The following DISP1 variants were observed in gnomAD, a reference collection of about 807,000 sequenced individuals.
The protein encoded by DISP1 is protein dispatched homolog 1.
DISP1 carries 30 observed loss-of-function variants against 37.3 expected under a neutral mutation model. That is an observed-to-expected ratio of 0.80 (90% CI 0.60 to 1.09). The LOEUF is 1.09. DISP1 is among the 50% of genes least tolerant of loss of function. The pLI, the probability that DISP1 is intolerant of heterozygous loss-of-function variation, is 0.00. For synonymous variants in DISP1, 634 were observed against 690.2 expected (o/e 0.92, Z 1.28); for missense variants, 1,598 against 1,879.5 (o/e 0.85, Z 2.77).
chr1:222,961,008 C>T (rs1676017901), intron 3 of DISP1, among the ~76,000 whole-genome samples: 2 of 152,018 alleles, frequency 1.3e-5, no homozygotes, highest in Admixed American at 6.6e-5. Flanking sequence ...CCCAGGACCA[C>T]ACTGATTCAC....
intron 1 of DISP1, among the ~76,000 whole-genome samples, chr1:222,876,040 C>T (rs966815225): frequency 6.6e-6 from 1 of 150,752 alleles, no homozygotes; most frequent in Non-Finnish European, 1.5e-5. Flanking sequence ...CTGAGGGAAA[C>T]TTGATCTATC....
chr1:222,919,530 T>C (rs1178933797), intron 1 of DISP1, among the ~76,000 whole-genome samples: 1 of 152,178 alleles, frequency 6.6e-6, no homozygotes, highest in Non-Finnish European at 1.5e-5. Flanking sequence ...CTTCTTCCCC[T>C]GATCTCTTCT....
intron 8 of DISP1, among the ~76,000 whole-genome samples, chr1:223,001,698 A>C (rs998818999): frequency 1.3e-5 from 2 of 152,216 alleles, no homozygotes; most frequent in Admixed American, 1.3e-4. Flanking sequence ...ACGTGTCCTC[A>C]TGACCTCTTA....
chr1:222,999,496 C>T (rs764284039), intron 8 of DISP1, among the ~76,000 whole-genome samples: 2 of 152,094 alleles, frequency 1.3e-5, no homozygotes, highest in Non-Finnish European at 2.9e-5. Context: ...AAGTTAGTGC[C>T]ATTGTCACAT....
intron 1 of DISP1, among the ~76,000 whole-genome samples, chr1:222,917,191 ACTT>A (rs990027860): frequency 2.0e-4 from 31 of 151,988 alleles, no homozygotes; most frequent in African/African-American, 3.6e-4. Flanking sequence ...TCTTCCCCGG[ACTT>A]CTTCTTTAAA....
chr1:222,847,610 T>A (rs879042979), intron 1 of DISP1, among the ~76,000 whole-genome samples: 25 of 152,198 alleles, frequency 1.6e-4, no homozygotes, highest in African/African-American at 6.0e-4. Context: ...TTATTTTTTT[T>A]TCTGGCCTTT....
At chr1:222,979,736 C>T (rs1417459900) in intron 3 of DISP1, 3 of 461,504 alleles carry the variant, frequency 6.5e-6, no homozygotes, top group South Asian at 1.6e-5. Flanking sequence ...AGTGGCCCTG[C>T]ACTCCGTCCC....
At chr1:222,895,121 A>G (rs893174452) in intron 1 of DISP1, among the ~76,000 whole-genome samples, 4 of 152,316 alleles carry the variant, frequency 2.6e-5, no homozygotes, top group Admixed American at 6.5e-5. Context: ...TTTTCTTTCC[A>G]AAGGAGTACA....
At chr1:222,900,994 A>C (rs112098838) in intron 1 of DISP1, among the ~76,000 whole-genome samples, 2,604 of 152,310 alleles carry the variant, frequency 0.017, 69 homozygotes, top group African/African-American at 0.059. Flanking sequence ...AAAGATGAGA[A>C]GTATTTGATG....
chr1:222,936,355 G>C (rs1673722720), intron 2 of DISP1, among the ~76,000 whole-genome samples: 1 of 151,824 alleles, frequency 6.6e-6, no homozygotes, highest in South Asian at 2.1e-4. Context: ...TCATAATCCT[G>C]ATAGCATTTT....
chr1:222,921,111 A>G (rs995461286), intron 1 of DISP1, among the ~76,000 whole-genome samples: 1 of 152,182 alleles, frequency 6.6e-6, no homozygotes, highest in South Asian at 2.1e-4. Flanking sequence ...GGAGTTCGAG[A>G]CCACCCTGGG....
intron 3 of DISP1, among the ~76,000 whole-genome samples, chr1:222,961,598 G>T (rs1018230732): frequency 6.6e-6 from 1 of 152,198 alleles, no homozygotes; most frequent in African/African-American, 2.4e-5. Flanking sequence ...ATTCAATATA[G>T]TATTGGAAGT....
intron 1 of DISP1, among the ~76,000 whole-genome samples, chr1:222,835,921 C>T (rs1000007481): frequency 2.0e-5 from 3 of 147,344 alleles, no homozygotes; most frequent in Non-Finnish European, 4.4e-5. Flanking sequence ...TGTCACTGCA[C>T]TCCAGCCTGG....
intron 3 of DISP1, among the ~76,000 whole-genome samples, chr1:222,946,960 G>A (rs1025873778): frequency 6.6e-6 from 1 of 152,148 alleles, no homozygotes; most frequent in African/African-American, 2.4e-5. Flanking sequence ...TTCATCCTGA[G>A]GCTAATGAGG....
chr1:222,921,739 A>G (rs945293577), intron 1 of DISP1, among the ~76,000 whole-genome samples: 18 of 152,254 alleles, frequency 1.2e-4, no homozygotes, highest in African/African-American at 4.3e-4. Flanking sequence ...TAAAATGTCA[A>G]TTGTTCAATA....
chr1:223,003,504 C>T lies in DISP1; in HGVS notation c.2107C>T (p.Arg703Ter). 6.2e-7 allele frequency: 1 copy of T among 1,614,160 alleles called. No homozygotes were observed. The highest frequency in any genetic ancestry group is 8.5e-7 in the Non-Finnish European group (1 of 1,180,036). ...KVLFAISEAS[R>*]IFFEKVLPCI... ...ACTCTTTGCCATTTCAGAAGCATCTCGAATTTTTTTCGAAAAAGTATTGCC... is the reference window on the plus strand; with the variant it reads ...ACTCTTTGCCATTTCAGAAGCATCTTGAATTTTTTTCGAAAAAGTATTGCC... The change falls in exon 9 of 9, where the codon CGA becomes TGA. Residue 703 changes from arginine to a stop codon, truncating the protein, a stop_gained. Coordinates refer to ENST00000675850, the MANE Select transcript of DISP1 (RefSeq NM_001377229.1). LOFTEE classifies it low-confidence loss of function (END_TRUNC). The surrounding 1 kb of genome is among the most constrained non-coding windows in gnomAD (Gnocchi z 4.3).
intron 4 of DISP1, among the ~76,000 whole-genome samples, chr1:222,985,304 T>G: frequency 6.6e-6 from 1 of 152,236 alleles, no homozygotes; most frequent in Admixed American, 6.5e-5. Context: ...TGGCTGGAAC[T>G]TATTGCTTCC....
At chr1:222,966,149 C>G (rs1676465712) in intron 3 of DISP1, among the ~76,000 whole-genome samples, 1 of 152,102 alleles carries the variant, frequency 6.6e-6, no homozygotes, top group African/African-American at 2.4e-5. Context: ...TACACTGAAG[C>G]ATTTCTTTGT....
At chr1:222,997,805 A>G (rs1320209584) in intron 8 of DISP1, among the ~76,000 whole-genome samples, 7 of 152,146 alleles carry the variant, frequency 4.6e-5, no homozygotes, top group Admixed American at 4.6e-4. Flanking sequence ...TTGGCAGTTA[A>G]TTAGGAAGAG....
Sources: gnomAD v4.1 joint callset for allele counts (sites outside exome capture counted in the v4.1 genomes callset) on GRCh38, gnomAD v4.1.1 for gene constraint, Gnocchi (gnomAD v3.1) non-coding constraint, MANE v1.5 for transcripts, NCBI Gene and HGNC (gene_info 2026-07-23, HGNC 2026-07-21) for gene names.